The following PCDH11X variants were observed in gnomAD, a reference collection of about 807,000 sequenced individuals.
The protein encoded by PCDH11X is protocadherin 11 X-linked.
A neutral mutation model predicts 53.3 loss-of-function variants in PCDH11X; 18 were observed. That is an observed-to-expected ratio of 0.34 (90% CI 0.23 to 0.50). The LOEUF is 0.50. Ranked by LOEUF, PCDH11X falls within the 20% of genes least tolerant of loss-of-function variation. The pLI is 0.98. For synonymous variants in PCDH11X, 279 were observed against 393.3 expected, an observed-to-expected ratio of 0.71 and a Z score of 3.44; for missense variants, 570 against 1,032.4, an observed-to-expected ratio of 0.55 and a Z score of 6.14.
intron 8 of PCDH11X, among the ~76,000 whole-genome samples, chrX:92,336,333 A>T (rs1354140244): frequency 8.9e-6 from 1 of 111,759 alleles, no homozygotes; most frequent in African/African-American, 3.2e-5. Flanking sequence ...TATTTTCAAG[A>T]TATTTCAAGA....
intron 8 of PCDH11X, among the ~76,000 whole-genome samples, chrX:92,303,556 C>T (rs2068764232): frequency 9.0e-6 from 1 of 111,110 alleles, no homozygotes; most frequent in South Asian, 3.8e-4. Context: ...GAAACACTAT[C>T]TGACAAAAAA....
chrX:92,581,507 A>G (rs369553094), intron 10 of PCDH11X, among the ~76,000 whole-genome samples: 1 of 111,830 alleles, frequency 8.9e-6, no homozygotes, highest in South Asian at 3.8e-4. Flanking sequence ...GCCATGTAAA[A>G]CATGCCTTTT....
intron 8 of PCDH11X, among the ~76,000 whole-genome samples, chrX:92,276,645 C>A (rs2068099602): frequency 9.0e-6 from 1 of 110,932 alleles, no homozygotes. Context: ...CAAGGAATTG[C>A]AAGTTTTTTC....
intron 7 of PCDH11X, among the ~76,000 whole-genome samples, chrX:92,233,413 A>C (rs190882724): frequency 8.9e-6 from 1 of 111,764 alleles, no homozygotes; most frequent in Admixed American, 9.5e-5. Flanking sequence ...TTTATGCTTT[A>C]GTTGTCATGC....
intron 10 of PCDH11X, among the ~76,000 whole-genome samples, chrX:92,497,211 G>A (rs1442830974): frequency 9.2e-6 from 1 of 108,619 alleles, no homozygotes; most frequent in Non-Finnish European, 1.9e-5. Flanking sequence ...TGACCTAACG[G>A]TATTCTTGTG....
intron 10 of PCDH11X, among the ~76,000 whole-genome samples, chrX:92,522,482 G>A (rs1395685465): frequency 3.6e-5 from 4 of 110,684 alleles, no homozygotes; most frequent in South Asian, 7.8e-4. Flanking sequence ...TAATGAAAAC[G>A]TTTGGAATAT....
At chrX:92,271,461 GC>G (rs1409559660) in intron 8 of PCDH11X, among the ~76,000 whole-genome samples, 1 of 112,067 alleles carries the variant, frequency 8.9e-6, no homozygotes. Flanking sequence ...GTGGGACTGG[GC>G]CTAAGCATAG....
chrX:92,301,108 G>A (rs2068711954), intron 8 of PCDH11X, among the ~76,000 whole-genome samples: 1 of 111,348 alleles, frequency 9.0e-6, no homozygotes, highest in Non-Finnish European at 1.9e-5. Flanking sequence ...GCAGTGGGGA[G>A]AGGGTGCAGT....
At position 91,876,945 on chromosome X, in the gene PCDH11X, G is replaced by A. The variant is rs1225042308; in HGVS notation, c.705G>A (p.Leu235=). The part of the protein sequence containing the change: ...GFPQRSSTAI[L]QVSVTDTNDN... ...CTCAAAGATCCAGTACTGCTATTTT[G>A]CAAGTGAGTGTTACTGATACAAATG... is the stretch of plus-strand genomic sequence containing the variant. The change falls in exon 6 of 11, where the codon TTG becomes TTA. Residue 235 remains leucine, a synonymous_variant. Transcript: ENST00000682573. 2 of 1,211,258 alleles carry A rather than the reference G, an allele frequency of 1.7e-6. No homozygotes were observed. The highest frequency in any genetic ancestry group is 2.2e-6 in the Non-Finnish European group (2 of 895,381).
intron 6 of PCDH11X, among the ~76,000 whole-genome samples, chrX:92,173,757 G>A (rs2148279931): frequency 9.2e-6 from 1 of 108,540 alleles, no homozygotes; most frequent in Non-Finnish European, 1.9e-5. Context: ...TGGGAGGCAG[G>A]AATATTGCTT....
chrX:92,474,961 C>G (rs1321222536), intron 10 of PCDH11X, among the ~76,000 whole-genome samples: 1 of 105,286 alleles, frequency 9.5e-6, no homozygotes. Flanking sequence ...GTCAGGAGAT[C>G]GAGACCATCC....
rs771823629 is a variant in PCDH11X, at chrX:92,111,219, T to TAAAAAAAAAAAAAAAAAAAAAA, written c.3034-90145_3034-90124dup. On this transcript the variant is annotated intron_variant, in intron 6 of 10. Coordinates refer to ENST00000682573, the MANE Select transcript of PCDH11X (RefSeq NM_032968.5). ...GAGCTGGATTTGAATCACCTAACGC[T>TAAAAAAAAAAAAAAAAAAAAAA]AAAAAAAAAAAAAAAAAAAAAAAAA... 3.5e-4 allele frequency among the ~76,000 whole-genome samples: 7 copies of TAAAAAAAAAAAAAAAAAAAAAA among 19,817 alleles called. 2 individuals carry two copies. Among genetic ancestry groups the TAAAAAAAAAAAAAAAAAAAAAA allele is most frequent in the East Asian group, 0.012 (2 of 173 alleles). The allele number at this position is 19,817 out of a possible 115,157, so 17.2% of individuals were successfully genotyped here.
At chrX:92,579,023 A>G (rs1201962434) in intron 10 of PCDH11X, among the ~76,000 whole-genome samples, 2 of 108,648 alleles carry the variant, frequency 1.8e-5, no homozygotes, top group African/African-American at 6.7e-5. Flanking sequence ...TAGGCCAGAT[A>G]AGAAATTCCG....
chrX:92,449,375 G>T (rs1041787713), intron 9 of PCDH11X, among the ~76,000 whole-genome samples: 1 of 111,715 alleles, frequency 9.0e-6, no homozygotes, highest in Non-Finnish European at 1.9e-5. Context: ...ACTATTCCCA[G>T]ATGGTTGATC....
chrX:92,234,069 G>A (rs1388731235), intron 7 of PCDH11X, among the ~76,000 whole-genome samples: 1 of 111,842 alleles, frequency 8.9e-6, no homozygotes, highest in African/African-American at 3.2e-5. Context: ...TAATTCAATA[G>A]TATTGTTATA....
chrX:92,022,387 C>G (rs1460325681), intron 6 of PCDH11X, among the ~76,000 whole-genome samples: 2 of 108,811 alleles, frequency 1.8e-5, no homozygotes, highest in African/African-American at 6.8e-5. Context: ...ATCCTAGTCT[C>G]TAACAAAACA....
intron 10 of PCDH11X, among the ~76,000 whole-genome samples, chrX:92,476,192 CTT>C (rs199545004): frequency 0.24 from 26,883 of 110,306 alleles, 3,334 homozygotes; most frequent in Non-Finnish European, 0.37. Context: ...TGAGATGTAA[CTT>C]TGCTCTTCCT....
rs372774250 is a variant in PCDH11X, at chrX:92,266,373, A to T, written c.3144+3230A>T. On this transcript the variant is annotated intron_variant, in intron 8 of 10. Coordinates refer to ENST00000682573, the MANE Select transcript of PCDH11X (RefSeq NM_032968.5). ...CAACACATTATCTTAGCTAAGAATG[A>T]AGTATCTAGATGAATTCTTTATCTT... Among the ~76,000 whole-genome samples the T allele has an allele frequency of 8.9e-5, 10 of 112,077 alleles. No individual in the cohort carries two copies. The East Asian group carries it at 2.8e-3, about 31-fold the overall frequency.
At chrX:92,466,536 G>T (rs995324759) in intron 9 of PCDH11X, among the ~76,000 whole-genome samples, 1 of 109,808 alleles carries the variant, frequency 9.1e-6, no homozygotes, top group African/African-American at 3.3e-5. Context: ...ATGAATTCGA[G>T]AAATTCTTCA....
Sources: gnomAD v4.1 joint callset for allele counts (sites outside exome capture counted in the v4.1 genomes callset) on GRCh38, gnomAD v4.1.1 for gene constraint, MANE v1.5 for transcripts, NCBI Gene and HGNC (gene_info 2026-07-23, HGNC 2026-07-21) for gene names.